The following SRRM4 variants were observed in gnomAD, a reference collection of about 807,000 sequenced individuals.
SRRM4 encodes the protein serine/arginine repetitive matrix protein 4.
SRRM4 carries 33 observed loss-of-function variants against 68.9 expected under a neutral mutation model. That is an observed-to-expected ratio of 0.48 (90% confidence interval 0.36 to 0.64). The LOEUF (loss-of-function observed/expected upper bound fraction) is 0.64, where lower values mean the gene tolerates loss of function less well. SRRM4 is among the 30% of genes least tolerant of loss of function. The probability of loss-of-function intolerance (pLI) is 0.00; values close to 1 mark genes in which losing one functional copy is unlikely to be tolerated. For synonymous variants in SRRM4, 318 were observed against 318.8 expected (o/e 1.00, Z 0.03); for missense variants, 817 against 827.1 (o/e 0.99, Z 0.15).
intron 1 of SRRM4, among the ~76,000 whole-genome samples, chr12:119,073,312 C>CTTTTTTTTTTTT (rs71451813): frequency 1.9e-5 from 2 of 103,146 alleles, no homozygotes; most frequent in African/African-American, 3.4e-5. Flanking sequence ...TCTCTCTCCT[C>CTTTTTTTTTTTT]TTTTTTTTTT....
In SRRM4 at chr12:119,083,222, C is replaced by A. The variant is rs926975957; in HGVS notation, c.132-19014C>A. Among the ~76,000 whole-genome samples the A allele has an allele frequency of 9.2e-5, 14 of 152,142 alleles. No homozygotes were observed. In the South Asian group the frequency reaches 2.9e-3, roughly 32 times the overall value. On this transcript the variant is annotated intron_variant, in intron 1 of 12. Coordinates refer to ENST00000267260, the MANE Select transcript of SRRM4 (RefSeq NM_194286.4). ...CACCCACAATTTCTGAGCACACCAG[C>A]TTGACTTCTAACTCATGGGACCTGC...
intron 1 of SRRM4, among the ~76,000 whole-genome samples, chr12:119,080,319 G>A (rs1953940449): frequency 1.3e-5 from 2 of 150,916 alleles, no homozygotes; most frequent in South Asian, 4.2e-4. Flanking sequence ...GCATTGTGGT[G>A]AGCACTAAAT....
At position 119,143,022 on chromosome 12, in the gene SRRM4, C is replaced by T. The variant is rs375084011; in HGVS notation, c.772-2359C>T. Reference sequence around the variant, plus strand: ...CAACCTTATTTTGAGGTCCCTTCTCCCAAAGCAAAGCTATCCAGTGTGCCA... The same window carrying T: ...CAACCTTATTTTGAGGTCCCTTCTCTCAAAGCAAAGCTATCCAGTGTGCCA... On this transcript the variant is annotated intron_variant, in intron 8 of 12. Coordinates refer to ENST00000267260, the MANE Select transcript of SRRM4 (RefSeq NM_194286.4). Among the ~76,000 whole-genome samples the T allele has an allele frequency of 2.0e-5, 3 of 152,202 alleles. No individual in the cohort carries two copies. In the East Asian group the frequency reaches 5.8e-4, roughly 29 times the overall value.
chr12:119,002,228 A>AC (rs1311327119), intron 1 of SRRM4, among the ~76,000 whole-genome samples: 2 of 152,160 alleles, frequency 1.3e-5, no homozygotes, highest in African/African-American at 4.8e-5. Flanking sequence ...AGAAGCAAAA[A>AC]AAAAAAAATT....
At position 119,130,734 on chromosome 12, in the gene SRRM4, G is replaced by A. The variant is rs189758107; in HGVS notation, c.671G>A (p.Arg224His). ...GQKSRRRHSR[R>H]CSKTLCKDSP... ...AAGTCCCGCCGAAGGCACTCCCGCC[G>A]CTGCTCCAAGACCCTCTGCAAGGAC... Residue 224 changes from arginine to histidine, a missense_variant, in exon 8 of 13, where the codon CGC becomes CAC. Arg to His is a conservative substitution (Grantham distance 29). Transcript: ENST00000267260. The A allele has an allele frequency of 1.0e-4, 168 of 1,611,356 alleles. No individual in the cohort carries two copies. The highest frequency in any genetic ancestry group is 1.6e-4 in the Middle Eastern group (1 of 6,062).
rs78239403 is a variant in SRRM4, at chr12:119,145,443, G to A, written c.834G>A (p.Ser278=). Residue 278 remains serine (S), a synonymous_variant, in exon 9 of 13, where the codon TCG becomes TCA. Transcript: ENST00000267260. ...FTKTASPLTT[S]RGRSQEYDSG... is the part of the protein sequence containing the mutation. ...AAACAGCCAGCCCGCTCACCACCTC[G>A]CGAGGACGTTCCCAGGAGTACGACT... 3.0e-3 allele frequency: 4,825 copies of A among 1,606,944 alleles called. 138 individuals carry two copies. In the African/African-American group the frequency reaches 0.056, roughly 19 times the overall value.
chr12:119,070,217 GAAA>G lies in SRRM4; in HGVS notation c.132-32005_132-32003del, dbSNP rs35318757. ...TCCAGAAGCTTCTTCACACAGGTGA[GAAA>G]AAAAAAAAAAAAACTAGCCACTTTT... is the stretch of plus-strand genomic sequence containing the variant. On this transcript the variant is annotated intron_variant, in intron 1 of 12. Transcript: ENST00000267260. Among the ~76,000 whole-genome samples, 1,233 of 145,438 alleles carry G rather than the reference GAAA, an allele frequency of 8.5e-3. 23 individuals are homozygous for G. Among genetic ancestry groups the G allele is most frequent in the African/African-American group, 0.028 (1,115 of 39,646 alleles).
intron 2 of SRRM4, among the ~76,000 whole-genome samples, chr12:119,108,548 T>C (rs781390036): frequency 4.5e-4 from 68 of 152,354 alleles, no homozygotes; most frequent in Non-Finnish European, 8.2e-4. Flanking sequence ...CTTCTTGAAT[T>C]GATCCCTTTA....
At chr12:119,112,072 G>T (rs2136046889) in intron 2 of SRRM4, among the ~76,000 whole-genome samples, 1 of 152,018 alleles carries the variant, frequency 6.6e-6, no homozygotes, top group East Asian at 1.9e-4. Context: ...AAAAGAATTT[G>T]GAAGTAGCCC....
chr12:119,138,965 C>T (rs1455036479), intron 8 of SRRM4, among the ~76,000 whole-genome samples: 1 of 152,078 alleles, frequency 6.6e-6, no homozygotes, highest in Non-Finnish European at 1.5e-5. Flanking sequence ...GTCCTGGGTA[C>T]CTGGAGGGCA....
rs1225537587 is a variant in SRRM4 at position 119,075,786 on chromosome 12, CGATGATGGTGAT to C, written c.132-26434_132-26423del. 2.4e-4 allele frequency among the ~76,000 whole-genome samples: 10 copies of C among 41,274 alleles called. No individual in the cohort carries two copies. In the South Asian group the frequency reaches 4.6e-3, roughly 19 times the overall value. The allele number at this position is 41,274 out of a possible 152,430, so 27.1% of individuals were successfully genotyped here. A position where few individuals can be genotyped will look rare whatever the true frequency, so the allele number is the denominator to read the frequency against. Reference sequence around the variant, plus strand: ...GTGATGATGGTGGTGATGATGATAGCGATGATGGTGATGATGATGGTGATGATAACGGTGATG... The same window carrying C: ...GTGATGATGGTGGTGATGATGATAGCGATGATGGTGATGATAACGGTGATG... On this transcript the variant is annotated intron_variant, in intron 1 of 12. Transcript: ENST00000267260.
intron 9 of SRRM4, among the ~76,000 whole-genome samples, chr12:119,148,864 G>T (rs1295946101): frequency 6.6e-6 from 1 of 152,152 alleles, no homozygotes; most frequent in African/African-American, 2.4e-5. Flanking sequence ...AGCAGAGAGG[G>T]CTCAATAAAT....
rs868110275 is a variant in SRRM4 at position 119,156,602 on chromosome 12, G to T, written c.1640G>T (p.Arg547Leu). ...AGCAGCAGTAGCCGCTCGGCCAGCC[G>T]CAGCTACTCCCGGAGCCGGAGTCGG... ...YSSSSSRSAS[R>L]SYSRSRSRSR... is the part of the protein sequence containing the mutation. Residue 547 changes from arginine (R) to leucine (L), a missense_variant, in exon 13 of 13, where the codon CGC becomes CTC. Physicochemically the swap from Arg to Leu is moderately radical, Grantham distance 102. Transcript: ENST00000267260. The T allele has an allele frequency of 6.2e-7, 1 of 1,610,900 alleles. No individual in the cohort carries two copies. The highest frequency in any genetic ancestry group is 1.3e-5 in the African/African-American group (1 of 74,956).
chr12:119,104,722 C>G (rs979104728), intron 2 of SRRM4, among the ~76,000 whole-genome samples: 2 of 151,800 alleles, frequency 1.3e-5, no homozygotes, highest in Non-Finnish European at 2.9e-5. Flanking sequence ...AGCTTCTGGA[C>G]CAGCATTCCT....
At chr12:119,111,955 A>G (rs1954146728) in intron 2 of SRRM4, among the ~76,000 whole-genome samples, 1 of 152,084 alleles carries the variant, frequency 6.6e-6, no homozygotes, top group Admixed American at 6.5e-5. Flanking sequence ...CTGAGGCAGG[A>G]GAATCGCTTG....
At chr12:119,033,571 G>A (rs1279713605) in intron 1 of SRRM4, among the ~76,000 whole-genome samples, 1 of 151,974 alleles carries the variant, frequency 6.6e-6, no homozygotes. Context: ...GGCTGAGGCA[G>A]GAGAATCGCT....
intron 1 of SRRM4, among the ~76,000 whole-genome samples, chr12:119,093,010 A>G (rs7302987): frequency 0.04 from 6,086 of 152,160 alleles, 138 homozygotes; most frequent in African/African-American, 0.058. Context: ...TCTGCCTGTT[A>G]TGTTCTCCTG....
At chr12:118,989,063 T>G (rs1953300046) in intron 1 of SRRM4, among the ~76,000 whole-genome samples, 1 of 152,070 alleles carries the variant, frequency 6.6e-6, no homozygotes, top group Admixed American at 6.5e-5. Context: ...ATTCCCAGGA[T>G]GCAGGCAGAA....
chr12:119,028,254 G>T (rs771377731), intron 1 of SRRM4, among the ~76,000 whole-genome samples: 2 of 152,224 alleles, frequency 1.3e-5, no homozygotes, highest in Non-Finnish European at 2.9e-5. Context: ...GATGTGAAAA[G>T]TGGCTTAGTA....
Sources: allele counts gnomAD v4.1 joint callset (sites outside exome capture counted in the v4.1 genomes callset), GRCh38; gene constraint gnomAD v4.1.1; transcripts MANE v1.5; gene names NCBI Gene and HGNC (gene_info 2026-07-23, HGNC 2026-07-21).